Variants in ADARB2 observed in about 807,000 individuals in gnomAD.
ADARB2 encodes inactive double-stranded RNA-specific editase B2.
A neutral mutation model predicts 62.2 loss-of-function variants in ADARB2; 25 were observed. The observed-to-expected ratio is 0.40, with a 90% CI of 0.29 to 0.56. The LOEUF (loss-of-function observed/expected upper bound fraction) is 0.56. Ranked by LOEUF, ADARB2 falls within the 20% of genes least tolerant of loss-of-function variation. ADARB2 has a pLI of 0.43. For synonymous variants in ADARB2, 572 were observed against 500.8 expected (o/e 1.14, Z -1.90); for missense variants, 1,071 against 1,077.4 (o/e 0.99, Z 0.08).
chr10:1,532,958 C>T (rs1832268923), intron 1 of ADARB2, among the ~76,000 whole-genome samples: 1 of 152,128 alleles, frequency 6.6e-6, no homozygotes, highest in South Asian at 2.1e-4. Flanking sequence ...TGACCCTGCC[C>T]TGAAATGAAG....
intron 6 of ADARB2, among the ~76,000 whole-genome samples, chr10:1,225,787 G>T (rs1256029381): frequency 6.6e-6 from 1 of 151,858 alleles, no homozygotes; most frequent in African/African-American, 2.4e-5. Context: ...TCAGCTGTTA[G>T]TCTGATGGGG....
intron 1 of ADARB2, among the ~76,000 whole-genome samples, chr10:1,726,611 T>C (rs781353431): frequency 6.6e-6 from 1 of 152,186 alleles, no homozygotes; most frequent in Admixed American, 6.5e-5. Flanking sequence ...CCATGCTCTG[T>C]TGAGAGTCAG....
intron 3 of ADARB2, among the ~76,000 whole-genome samples, chr10:1,353,763 C>A (rs1216129060): frequency 1.3e-5 from 2 of 152,160 alleles, no homozygotes; most frequent in Non-Finnish European, 2.9e-5. Flanking sequence ...ATCACAGAAA[C>A]AATTAGAGCC....
chr10:1,639,890 A>G (rs1380488299), intron 1 of ADARB2, among the ~76,000 whole-genome samples: 2 of 151,920 alleles, frequency 1.3e-5, no homozygotes, highest in African/African-American at 4.8e-5. Context: ...ACAAACAAAC[A>G]AACAAAAACA....
At chr10:1,335,636 T>C (rs1831967287) in intron 3 of ADARB2, among the ~76,000 whole-genome samples, 2 of 152,184 alleles carry the variant, frequency 1.3e-5, no homozygotes, top group South Asian at 4.1e-4. Flanking sequence ...GGTTGGGCTA[T>C]AACAAACTTG....
At chr10:1,340,105 C>A (rs1832009418) in intron 3 of ADARB2, among the ~76,000 whole-genome samples, 1 of 150,520 alleles carries the variant, frequency 6.6e-6, no homozygotes, top group South Asian at 2.1e-4. Flanking sequence ...GCGGCAATAA[C>A]CGGCATCCAC....
rs1292464946 is a variant in ADARB2 at position 1,327,344 on chromosome 10, A to C, written c.1077+35684T>G. Among the ~76,000 whole-genome samples, 125 of 28,776 alleles carry C rather than the reference A, an allele frequency of 4.3e-3. 30 individuals are homozygous for C. The highest frequency in any genetic ancestry group is 0.016 in the African/African-American group (99 of 6,038). The allele number at this position is 28,776 out of a possible 152,430, so 18.9% of individuals were successfully genotyped here. On this transcript the variant is annotated intron_variant, in intron 3 of 9. Coordinates refer to ENST00000381312, the MANE Select transcript of ADARB2 (RefSeq NM_018702.4). The stretch of plus-strand genomic sequence containing the variant: ...TCACTGCACAGCGCCTCCTCACTGC[A>C]CAGCGCCTCCTCACGGCCCAGCGCC...
chr10:1,299,835 C>T (rs974364001), intron 3 of ADARB2, among the ~76,000 whole-genome samples: 9 of 152,336 alleles, frequency 5.9e-5, no homozygotes, highest in South Asian at 2.1e-4. Flanking sequence ...CCTGTGCTTC[C>T]GGAGGCCATG....
chr10:1,480,420 C>A (rs369630456), intron 1 of ADARB2, among the ~76,000 whole-genome samples: 1 of 152,142 alleles, frequency 6.6e-6, no homozygotes, highest in Non-Finnish European at 1.5e-5. Context: ...AAGTTCTGGC[C>A]GGGCGTGGTG....
At chr10:1,570,321 C>A (rs1013806648) in intron 1 of ADARB2, among the ~76,000 whole-genome samples, 3 of 152,182 alleles carry the variant, frequency 2.0e-5, no homozygotes, top group Non-Finnish European at 4.4e-5. Context: ...GCTTTGCTGT[C>A]TCTCCCCCTT....
chr10:1,327,829 G>T, intron 3 of ADARB2, among the ~76,000 whole-genome samples: 1 of 51,188 alleles, frequency 2.0e-5, no homozygotes, highest in East Asian at 4.3e-4. Context: ...TCACAGCTCA[G>T]CACCTCACAG....
intron 1 of ADARB2, among the ~76,000 whole-genome samples, chr10:1,667,500 C>T (rs924773616): frequency 6.6e-6 from 1 of 152,170 alleles, no homozygotes. Flanking sequence ...GATAAATCAT[C>T]CATTTACAAA....
intron 1 of ADARB2, among the ~76,000 whole-genome samples, chr10:1,524,656 C>A (rs11250582): frequency 0.13 from 19,218 of 152,222 alleles, 1,508 homozygotes; most frequent in East Asian, 0.17. Flanking sequence ...CAGACACTTT[C>A]CTCATCTCCA....
At chr10:1,306,617 A>G (rs11250401) in intron 3 of ADARB2, among the ~76,000 whole-genome samples, 49,451 of 128,030 alleles carry the variant, frequency 0.39, 11,303 homozygotes, top group East Asian at 0.62. Context: ...TCCTAAGCCA[A>G]AAGAACAAAG....
chr10:1,507,002 C>T (rs930804900), intron 1 of ADARB2, among the ~76,000 whole-genome samples: 1 of 152,220 alleles, frequency 6.6e-6, no homozygotes, highest in Non-Finnish European at 1.5e-5. Context: ...GCTGCCTGGA[C>T]AGTGGGCTCC....
chr10:1,217,030 G>A lies in ADARB2; in HGVS notation c.1603C>T (p.Pro535Ser). The A allele has an allele frequency of 6.2e-7, 1 of 1,611,716 alleles. No homozygotes were observed. ...CCGTCCCAGGTCTGCACTGCGCTGG[G>A]GCCACGCACGGGGACCGTCCCTTCC... ...SGEGTVPVRGPSAVQTWDGVL... is the reference protein window; with the variant it reads ...SGEGTVPVRGSSAVQTWDGVL... Residue 535 changes from proline (P) to serine (S), a missense_variant, in exon 7 of 10, where the codon CCC (proline) becomes TCC (serine). By Grantham distance (74) the Pro-to-Ser change is moderately conservative. Coordinates refer to ENST00000381312, the MANE Select transcript of ADARB2 (RefSeq NM_018702.4).
chr10:1,492,206 A>C (rs1831630821), intron 1 of ADARB2, among the ~76,000 whole-genome samples: 1 of 152,196 alleles, frequency 6.6e-6, no homozygotes, highest in African/African-American at 2.4e-5. Context: ...GATGAGAATG[A>C]GAATGGCTGG....
intron 1 of ADARB2, among the ~76,000 whole-genome samples, chr10:1,707,412 G>T (rs988548472): frequency 1.3e-5 from 2 of 152,248 alleles, no homozygotes; most frequent in African/African-American, 4.8e-5. Context: ...TCTTAATCTT[G>T]ATTTGTAGCG....
In ADARB2 at chr10:1,183,810, CAG is replaced by C. The variant is rs574235161; in HGVS notation, c.2044-443_2044-442del. Among the ~76,000 whole-genome samples, 23 of 152,288 alleles carry C rather than the reference CAG, an allele frequency of 1.5e-4. No homozygotes were observed. In the East Asian group the frequency reaches 4.2e-3, roughly 28 times the overall value. On this transcript the variant is annotated intron_variant, in intron 9 of 9. Transcript: ENST00000381312. The stretch of plus-strand genomic sequence containing the variant: ...GGCAAAGCTTTGCAGCAACACAAGA[CAG>C]GGATCAAATGCAGCTCTGATACCCC...
Sources: allele counts gnomAD v4.1 joint callset (sites outside exome capture counted in the v4.1 genomes callset), GRCh38; gene constraint gnomAD v4.1.1; transcripts MANE v1.5; gene names NCBI Gene and HGNC (gene_info 2026-07-23, HGNC 2026-07-21).